TRHDE: variants seen among roughly 807,000 people sequenced by gnomAD.
The protein encoded by TRHDE is thyrotropin-releasing hormone-degrading ectoenzyme.
Under a neutral mutation model 125.7 loss-of-function variants are expected in TRHDE, and 72 were observed. That is an observed-to-expected ratio of 0.57 (90% CI 0.47 to 0.70). The LOEUF is 0.70. Among genes scored for constraint, TRHDE ranks in the 30% least tolerant of loss-of-function variants. The probability of loss-of-function intolerance (pLI) is 0.00; values close to 1 mark genes in which losing one functional copy is unlikely to be tolerated. For missense variants in TRHDE, 1,110 were observed against 1,327.1 expected (o/e 0.84, Z 2.54); for synonymous variants, 509 against 509.1 (o/e 1.00, Z 0.00).
In TRHDE at chr12:72,229,041, C is replaced by T. The variant is rs1299024946; in HGVS notation, n.279+123289C>T. On this transcript the variant is annotated intron_variant and non_coding_transcript_variant, in intron 2 of 4. Coordinates refer to the TRHDE transcript ENST00000548156. ...CCACATCTTTCTGTCTTTTTCTGAG[C>T]CCTCCAAACTGTTCCAACCTCTGCC... 5.3e-5 allele frequency among the ~76,000 whole-genome samples: 8 copies of T among 152,288 alleles called. No homozygotes were observed. In the East Asian group the frequency reaches 1.5e-3, roughly 29 times the overall value.
At chr12:72,281,001 C>T (rs1879676712) in intron 1 of TRHDE, among the ~76,000 whole-genome samples, 1 of 151,964 alleles carries the variant, frequency 6.6e-6, no homozygotes, top group Non-Finnish European at 1.5e-5. Context: ...TTCATAATAC[C>T]CTTCAACAAT....
At chr12:72,633,741 G>T (rs1873594997) in intron 15 of TRHDE, among the ~76,000 whole-genome samples, 1 of 152,088 alleles carries the variant, frequency 6.6e-6, no homozygotes, top group Non-Finnish European at 1.5e-5. Context: ...TATGAATTTA[G>T]TGGTACTATA....
At chr12:72,305,440 A>T (rs559975314) in intron 2 of TRHDE, among the ~76,000 whole-genome samples, 4 of 152,334 alleles carry the variant, frequency 2.6e-5, no homozygotes, top group South Asian at 4.1e-4. Context: ...GAAATCACAG[A>T]ATCATAAATT....
At chr12:72,440,770 G>A (rs1874971992) in intron 3 of TRHDE, among the ~76,000 whole-genome samples, 1 of 151,804 alleles carries the variant, frequency 6.6e-6, no homozygotes, top group Admixed American at 6.6e-5. Flanking sequence ...TGGTATGCTT[G>A]GAACATCAGA....
chr12:72,654,358 A>G (rs1203911575), intron 17 of TRHDE, among the ~76,000 whole-genome samples: 2 of 152,168 alleles, frequency 1.3e-5, no homozygotes, highest in Non-Finnish European at 1.5e-5. Context: ...ACTGACAAAT[A>G]GGAGCATAAT....
chr12:72,244,402 T>G (rs1356633072), intron 2 of TRHDE, among the ~76,000 whole-genome samples: 1 of 152,172 alleles, frequency 6.6e-6, no homozygotes. Context: ...ACCATTCTTT[T>G]GGCTATTAAT....
chr12:72,144,773 T>C (rs952628204), intron 2 of TRHDE, among the ~76,000 whole-genome samples: 2 of 152,210 alleles, frequency 1.3e-5, no homozygotes, highest in Non-Finnish European at 2.9e-5. Flanking sequence ...AGCCCACTTC[T>C]CTCAGAATAA....
At chr12:72,166,906 A>ATG (rs1876761972) in intron 2 of TRHDE, among the ~76,000 whole-genome samples, 1 of 102,252 alleles carries the variant, frequency 9.8e-6, no homozygotes, top group Admixed American at 1.1e-4. Flanking sequence ...AGGTAGATGA[A>ATG]CGTGTGTGTG....
intron 3 of TRHDE, among the ~76,000 whole-genome samples, chr12:72,389,408 C>T (rs1292455739): frequency 1.3e-5 from 2 of 152,168 alleles, no homozygotes; most frequent in African/African-American, 2.4e-5. Flanking sequence ...AAGATTTGCT[C>T]TTTCACTTTG....
intron 1 of TRHDE, among the ~76,000 whole-genome samples, chr12:72,088,216 C>T (rs1874713410): frequency 6.6e-6 from 1 of 151,964 alleles, no homozygotes. Context: ...CTTCTAAGTC[C>T]TCAATGTTAT....
At chr12:72,530,380 C>T (rs1464708894) in intron 6 of TRHDE, among the ~76,000 whole-genome samples, 2 of 128,662 alleles carry the variant, frequency 1.6e-5, no homozygotes, top group African/African-American at 3.0e-5. Context: ...GATCATTTTA[C>T]GTTTGAAACA....
chr12:72,490,385 T>C (rs942472973), intron 5 of TRHDE, among the ~76,000 whole-genome samples: 1 of 151,838 alleles, frequency 6.6e-6, no homozygotes, highest in African/African-American at 2.4e-5. Context: ...GGTAGGAATA[T>C]ACAGTTATTA....
intron 3 of TRHDE, among the ~76,000 whole-genome samples, chr12:72,396,716 C>G (rs915744744): frequency 6.6e-6 from 1 of 152,056 alleles, no homozygotes; most frequent in Non-Finnish European, 1.5e-5. Flanking sequence ...TACACTCTAG[C>G]CTGGCAGCAG....
chr12:72,597,693 A>AGG, intron 12 of TRHDE, among the ~76,000 whole-genome samples: 1 of 74,250 alleles, frequency 1.3e-5, no homozygotes, highest in African/African-American at 1.3e-4. Flanking sequence ...TAAGAGAGGT[A>AGG]TATATATGTG....
chr12:72,444,151 T>C (rs556752991), intron 3 of TRHDE, among the ~76,000 whole-genome samples: 1 of 152,008 alleles, frequency 6.6e-6, no homozygotes, highest in Non-Finnish European at 1.5e-5. Flanking sequence ...GCTCCTGATT[T>C]TTAGTGCACC....
At chr12:72,540,158 A>T (rs892752922) in intron 6 of TRHDE, among the ~76,000 whole-genome samples, 6 of 151,760 alleles carry the variant, frequency 4.0e-5, no homozygotes, top group Admixed American at 3.3e-4. Flanking sequence ...TAAAATAAGG[A>T]TTTTTGAATT....
chr12:72,521,428 T>C (rs1273948863), intron 6 of TRHDE, among the ~76,000 whole-genome samples: 2 of 152,174 alleles, frequency 1.3e-5, no homozygotes. Context: ...TGAGTGGAGA[T>C]GAGCATGGTG....
At chr12:72,484,798 C>A (rs1446384327) in intron 5 of TRHDE, among the ~76,000 whole-genome samples, 3 of 152,262 alleles carry the variant, frequency 2.0e-5, no homozygotes, top group South Asian at 2.1e-4. Flanking sequence ...AGATGGCCAA[C>A]AAGAAGTTTT....
At chr12:72,176,718 A>G (rs1405095641) in intron 2 of TRHDE, among the ~76,000 whole-genome samples, 2 of 152,242 alleles carry the variant, frequency 1.3e-5, no homozygotes, top group East Asian at 3.9e-4. Context: ...TTGTTTGAAA[A>G]TTTTCAGTCA....
Sources: allele counts gnomAD v4.1 joint callset (sites outside exome capture counted in the v4.1 genomes callset), GRCh38; gene constraint gnomAD v4.1.1; transcripts MANE v1.5; gene names NCBI Gene and HGNC (gene_info 2026-07-23, HGNC 2026-07-21).